The following ARSG variants were observed in gnomAD, a reference collection of about 807,000 sequenced individuals.
ARSG encodes ASG.
A neutral mutation model predicts 50.5 loss-of-function variants in ARSG; 37 were observed. The observed-to-expected ratio is 0.73, with a 90% confidence interval of 0.56 to 0.96. The LOEUF (loss-of-function observed/expected upper bound fraction) is 0.96. Among genes scored for constraint, ARSG ranks in the 50% least tolerant of loss-of-function variants. The pLI, the probability that ARSG is intolerant of heterozygous loss-of-function variation, is 0.00. For synonymous variants in ARSG, 225 were observed against 254.6 expected, an observed-to-expected ratio of 0.88 and a Z score of 1.11; for missense variants, 629 against 675.3, an observed-to-expected ratio of 0.93 and a Z score of 0.76.
intron 4 of ARSG, among the ~76,000 whole-genome samples, chr17:68,350,652 G>A (rs1414567050): frequency 6.6e-6 from 1 of 152,118 alleles, no homozygotes; most frequent in South Asian, 2.1e-4. Flanking sequence ...GGGCGTGGTG[G>A]CACGTGCCTG....
At chr17:68,352,478 G>A (rs4525556) in intron 5 of ARSG, among the ~76,000 whole-genome samples, 71,648 of 150,982 alleles carry the variant, frequency 0.47, 17,530 homozygotes, top group Admixed American at 0.56. Flanking sequence ...CTCTCTGGTC[G>A]TGGGACTCAG....
intron 9 of ARSG, among the ~76,000 whole-genome samples, chr17:68,391,720 A>T (rs16972924): frequency 0.16 from 24,997 of 152,036 alleles, 4,038 homozygotes; most frequent in African/African-American, 0.4. Flanking sequence ...GCTTTCCGGT[A>T]TGTGGCAGGA....
intron 11 of ARSG, among the ~76,000 whole-genome samples, chr17:68,405,130 C>CTTTTTTTTTTTT (rs58178643): frequency 3.2e-5 from 3 of 93,026 alleles, no homozygotes; most frequent in African/African-American, 8.4e-5. Flanking sequence ...CAGCTTTGGG[C>CTTTTTTTTTTTT]TTTTTTTTTT....
the ARSG span, among the ~76,000 whole-genome samples, chr17:68,437,675 C>G: frequency 4.1e-4 from 62 of 152,096 alleles, 1 homozygote; most frequent in African/African-American, 1.4e-3. Context: ...GATGGTGTGC[C>G]TAGACATTGA....
chr17:68,287,295 G>A (rs906472520), upstream of ARSG, among the ~76,000 whole-genome samples: 5 of 151,946 alleles, frequency 3.3e-5, no homozygotes, highest in East Asian at 1.9e-4. Flanking sequence ...GGGATTACAC[G>A]CGTGAGCCAG....
intron 5 of ARSG, among the ~76,000 whole-genome samples, chr17:68,354,104 A>G (rs2078927368): frequency 6.8e-6 from 1 of 147,434 alleles, no homozygotes; most frequent in Non-Finnish European, 1.5e-5. Flanking sequence ...TATGTTAAAA[A>G]TCTCTTTTTA....
At chr17:68,277,247 T>G (rs1023447910) in intron 1 of ARSG, among the ~76,000 whole-genome samples, 13 of 151,962 alleles carry the variant, frequency 8.6e-5, no homozygotes, top group African/African-American at 3.1e-4. Context: ...TTCTCCTACC[T>G]CAGCCTCCTG....
chr17:68,420,278 G>C lies in ARSG; in HGVS notation c.1393G>C (p.Ala465Pro). The C allele has an allele frequency of 1.2e-6, 2 of 1,614,166 alleles. No individual in the cohort carries two copies. The highest frequency in any genetic ancestry group is 1.7e-6 in the Non-Finnish European group (2 of 1,180,028). ...IFNLEDDTAE[A>P]VPLERGGAEY... ...CAACCTGGAAGACGATACCGCAGAA[G>C]CTGTGCCCCTAGAAAGAGGTGGTGC... The change falls in exon 12 of 12, where the codon GCT becomes CCT. Residue 465 changes from alanine (A) to proline (P), a missense_variant. Physicochemically the swap from Ala to Pro is conservative, Grantham distance 27. Transcript: ENST00000621439.
chr17:68,425,175 C>T (rs1236724423), downstream of ARSG, among the ~76,000 whole-genome samples: 7 of 152,204 alleles, frequency 4.6e-5, no homozygotes, highest in Non-Finnish European at 7.3e-5. Context: ...TCCTGCCCTG[C>T]ACCTGCTGCC....
At chr17:68,333,227 T>G (rs1397403302) in intron 2 of ARSG, among the ~76,000 whole-genome samples, 4 of 151,790 alleles carry the variant, frequency 2.6e-5, no homozygotes, top group Admixed American at 1.3e-4. Context: ...GAGGCTGAGG[T>G]AGGAGAATGG....
chr17:68,377,452 G>A (rs552802378), intron 8 of ARSG, among the ~76,000 whole-genome samples: 48 of 152,240 alleles, frequency 3.2e-4, no homozygotes, highest in African/African-American at 1.1e-3. Flanking sequence ...AGGCAGAGAG[G>A]GTTTGGAGGC....
At chr17:68,438,291 C>A in the ARSG span, among the ~76,000 whole-genome samples, 1 of 152,202 alleles carries the variant, frequency 6.6e-6, no homozygotes, top group Non-Finnish European at 1.5e-5. Context: ...CTGGCCCCAG[C>A]CTTAGAAGAG....
At chr17:68,440,320 C>T in the ARSG span, among the ~76,000 whole-genome samples, 3 of 152,210 alleles carry the variant, frequency 2.0e-5, no homozygotes, top group East Asian at 5.8e-4. Context: ...TCTTGGGAAC[C>T]ACCCAAGGCA....
In ARSG at chr17:68,271,339, G is replaced by T. The variant is rs140535569; in HGVS notation, c.-552+11913G>T. Reference sequence around the variant, plus strand: ...CGGGGCTTTCTTTTCGCTTGGCCTGGGGCTGGTCTTCACCAGGACCTGCTG... The same window carrying T: ...CGGGGCTTTCTTTTCGCTTGGCCTGTGGCTGGTCTTCACCAGGACCTGCTG... On this transcript the variant is annotated intron_variant, in intron 1 of 11. Transcript: ENST00000448504. The surrounding 1 kb of genome is among the most constrained non-coding windows in gnomAD (Gnocchi z 5.3). The T allele has an allele frequency of 1.4e-3, 2,326 of 1,614,230 alleles. 3 individuals carry two copies. Among genetic ancestry groups the T allele is most frequent in the Non-Finnish European group, 1.5e-3 (1,750 of 1,180,040 alleles).
chr17:68,312,015 C>G (rs8065038), intron 2 of ARSG, among the ~76,000 whole-genome samples: 122,947 of 151,900 alleles, frequency 0.81, 50,186 homozygotes, highest in Middle Eastern at 0.88. Context: ...GGCTAGGCTA[C>G]TCTCGAACCC....
chr17:68,420,256 C>A lies in ARSG; in HGVS notation c.1371C>A (p.Asn457Lys). Residue 457 changes from asparagine to lysine, a missense_variant, in exon 12 of 12, where the codon AAC (asparagine) becomes AAA (lysine). Asn to Lys is a moderately conservative substitution (Grantham distance 94). Transcript: ENST00000621439. ...AGCATAAGTTTCCTCTGATTTTCAA[C>A]CTGGAAGACGATACCGCAGAAGCTG... The part of the protein sequence containing the change: ...ELQHKFPLIF[N>K]LEDDTAEAVP... The A allele has an allele frequency of 6.2e-7, 1 of 1,614,160 alleles. No individual in the cohort carries two copies. The highest frequency in any genetic ancestry group is 1.3e-5 in the African/African-American group (1 of 75,054).
intron 11 of ARSG, among the ~76,000 whole-genome samples, chr17:68,406,628 C>G (rs144095569): frequency 6.6e-6 from 1 of 152,112 alleles, no homozygotes; most frequent in South Asian, 2.1e-4. Context: ...TTTCTCTGAT[C>G]ATTAGTGACA....
In ARSG at chr17:68,399,680, C is replaced by T. The variant is rs2081390617; in HGVS notation, c.1213-1680C>T. Reference sequence around the variant, plus strand: ...CTTCCTCGTGGATTTTGGAAGTTGCCTCTGGTAACGCCACATAAATAGTGG... The same window carrying T: ...CTTCCTCGTGGATTTTGGAAGTTGCTTCTGGTAACGCCACATAAATAGTGG... On this transcript the variant is annotated intron_variant, in intron 10 of 11. Transcript: ENST00000621439. The surrounding 1 kb of genome is among the most constrained non-coding windows in gnomAD (Gnocchi z 4.6). Among the ~76,000 whole-genome samples, 1 of 152,206 alleles carries T rather than the reference C, an allele frequency of 6.6e-6. No individual in the cohort carries two copies. Among genetic ancestry groups the T allele is most frequent in the African/African-American group, 2.4e-5 (1 of 41,452 alleles).
At chr17:68,421,672 C>T (rs186251334), downstream of ARSG, 536 of 1,539,126 alleles carry the variant, frequency 3.5e-4, 1 homozygote, top group South Asian at 3.3e-5. Context: ...TTCCTGCCCC[C>T]CTTTCTGCTC....
Sources: allele counts gnomAD v4.1 joint callset (sites outside exome capture counted in the v4.1 genomes callset), GRCh38; gene constraint gnomAD v4.1.1; non-coding constraint Gnocchi (gnomAD v3.1); transcripts MANE v1.5; gene names NCBI Gene and HGNC (gene_info 2026-07-23, HGNC 2026-07-21).